PCARE: variants seen among roughly 807,000 people sequenced by gnomAD.
PCARE encodes the protein photoreceptor cilium actin regulator.
PCARE carries 72 observed loss-of-function variants against 82.2 expected under a neutral mutation model. That is an observed-to-expected ratio of 0.88 (90% CI 0.72 to 1.07). The LOEUF (loss-of-function observed/expected upper bound fraction) is 1.07, where lower values mean the gene tolerates loss of function less well. PCARE is among the 50% of genes least tolerant of loss of function. The probability of loss-of-function intolerance (pLI) is 0.00; values close to 1 mark genes in which losing one functional copy is unlikely to be tolerated. For synonymous variants in PCARE, 705 were observed against 634.8 expected (o/e 1.11, Z -1.66); for missense variants, 1,768 against 1,592.4 (o/e 1.11, Z -1.88).
chr2:29,065,261 G>T (rs1667375213), intron 1 of PCARE, among the ~76,000 whole-genome samples, 194 bp from the exon 2 acceptor site: 1 of 152,230 alleles, frequency 6.6e-6, no homozygotes, highest in African/African-American at 2.4e-5. Context: ...GTGCCTGCAG[G>T]GGTGGGCGCT....
Position 29,072,283 on chromosome 2 carries a change from C to T in PCARE, c.1979G>A (p.Ser660Asn), listed in dbSNP as rs1450487629. ...TGCCTTGAGCCTGCTGGTGGTGTTG[C>T]TTGGACTGACCCTGCAGGTGCCATT... is the stretch of plus-strand genomic sequence containing the variant. Reference protein sequence around the residue: ...WPNGTCRVSPSNTTSRLKASL... With the variant: ...WPNGTCRVSPNNTTSRLKASL... Residue 660 changes from serine (S) to asparagine (N), a missense_variant, in exon 1 of 2, where the codon AGC becomes AAC. Coordinates refer to ENST00000331664, the MANE Select transcript of PCARE (RefSeq NM_001029883.3). The T allele has an allele frequency of 1.9e-6, 3 of 1,614,202 alleles. No individual in the cohort carries two copies. The highest frequency in any genetic ancestry group is 1.7e-5 in the Admixed American group (1 of 60,030).
chr2:29,073,742 C>A lies in PCARE; in HGVS notation c.520G>T (p.Val174Leu), dbSNP rs1442866036. 6.2e-7 allele frequency: 1 copy of A among 1,614,210 alleles called. No individual in the cohort carries two copies. The highest frequency in any genetic ancestry group is 8.5e-7 in the Non-Finnish European group (1 of 1,180,036). The change falls in exon 1 of 2, where the codon GTG becomes TTG. Residue 174 changes from valine (V) to leucine (L), a missense_variant. Physicochemically the swap from Val to Leu is conservative, Grantham distance 32 (BLOSUM62 1). Transcript: ENST00000331664. ...IHPAHEPEGK[V>L]DFPEPLVKAH... ...TTTACCAGAGGCTCCGGGAAGTCCACTTTGCCTTCAGGCTCATGAGCAGGG... is the reference window on the plus strand; with the variant it reads ...TTTACCAGAGGCTCCGGGAAGTCCAATTTGCCTTCAGGCTCATGAGCAGGG...
Position 29,073,071 on chromosome 2 carries a change from C to G in PCARE, c.1191G>C (p.Trp397Cys), listed in dbSNP as rs777103184. 1 of 1,613,852 alleles carries G rather than the reference C, an allele frequency of 6.2e-7. No homozygotes were observed. ...AGCCCAAACAGAATGGACTTTGCTGCCAGGTGTGTCCTGACTGCCTGGCCT... is the reference window on the plus strand; with the variant it reads ...AGCCCAAACAGAATGGACTTTGCTGGCAGGTGTGTCCTGACTGCCTGGCCT... ...HTEARQSGHT[W>C]QQSPFCLGSG... Residue 397 changes from tryptophan to cysteine, a missense_variant, in exon 1 of 2, where the codon TGG becomes TGC. Physicochemically the swap from Trp to Cys is radical, Grantham distance 215 (BLOSUM62 -2). Coordinates refer to ENST00000331664, the MANE Select transcript of PCARE (RefSeq NM_001029883.3).
rs1258208731 is a variant in PCARE, at chr2:29,063,798, A to G, written c.*1071T>C. The G allele has an allele frequency of 2.6e-5, 4 of 152,472 alleles. No homozygotes were observed. The highest frequency in any genetic ancestry group is 2.6e-4 in the Admixed American group (4 of 15,286). 9.4% of individuals were successfully genotyped at this position (152,472 alleles called of 1,614,324 possible). On this transcript the variant is annotated 3_prime_UTR_variant, in exon 2 of 2. Transcript: ENST00000331664. ...CAGAAGCAGGTTTTTGGCATGAACA[A>G]CTGTTTTTCACTTTGATTTCGACTC...
Position 29,072,500 on chromosome 2 carries a change from G to T in PCARE, c.1762C>A (p.Pro588Thr). 6.2e-7 allele frequency: 1 copy of T among 1,614,202 alleles called. No individual in the cohort carries two copies. The highest frequency in any genetic ancestry group is 8.5e-7 in the Non-Finnish European group (1 of 1,180,036). The change falls in exon 1 of 2, where the codon CCT becomes ACT. Residue 588 changes from proline to threonine, a missense_variant. Physicochemically the swap from Pro to Thr is conservative, Grantham distance 38. Transcript: ENST00000331664. ...GACTGGGACCTCGTCTGCCTCTCAG[G>T]GGCCCTCCTGCTGCCACTTACCGTG... ...PSTVSGSRRA[P>T]ERQTRSQSES...
In PCARE at chr2:29,073,269, C is replaced by T. The variant is rs1667526217; in HGVS notation, c.993G>A (p.Leu331=). 9 of 1,614,120 alleles carry T rather than the reference C, an allele frequency of 5.6e-6. No individual in the cohort carries two copies. In the South Asian group the frequency reaches 9.9e-5, roughly 18 times the overall value. ...CCCCAGGGTCGCCACAGCCACTCGC[C>T]AGGCTCTCTAGCTGCCTCAGAGCCC... ...LLRALRQLES[L]ASGCGDPGVQ... Residue 331 remains leucine (L), a synonymous_variant, in exon 1 of 2, where the codon CTG becomes CTA. Transcript: ENST00000331664.
chr2:29,069,496 G>A (rs962524990), intron 1 of PCARE, among the ~76,000 whole-genome samples: 14 of 152,166 alleles, frequency 9.2e-5, no homozygotes, highest in Non-Finnish European at 2.1e-4. Context: ...AGAACTCATG[G>A]GCACAAAGAG....
At chr2:29,069,836 C>T (rs962863679) in intron 1 of PCARE, among the ~76,000 whole-genome samples, 1 of 152,102 alleles carries the variant, frequency 6.6e-6, no homozygotes, top group African/African-American at 2.4e-5. Context: ...ATATAGCCTC[C>T]ACACGCAAAG....
chr2:29,067,824 C>T (rs1241419905), intron 1 of PCARE, among the ~76,000 whole-genome samples: 1 of 152,162 alleles, frequency 6.6e-6, no homozygotes, highest in Non-Finnish European at 1.5e-5. Context: ...GGATTACTGG[C>T]GTGAGCCACT....
rs763749755 is a variant in PCARE at position 29,070,774 on chromosome 2, C to T, written c.3488G>A (p.Trp1163Ter). The T allele has an allele frequency of 6.2e-7, 1 of 1,614,128 alleles. No individual in the cohort carries two copies. The highest frequency in any genetic ancestry group is 8.5e-7 in the Non-Finnish European group (1 of 1,180,036). The change falls in exon 1 of 2, where the codon TGG (tryptophan) becomes TAG (stop). Residue 1163 changes from tryptophan (W) to a stop codon, truncating the protein, a stop_gained. Coordinates refer to ENST00000331664, the MANE Select transcript of PCARE (RefSeq NM_001029883.3). LOFTEE classifies it high-confidence loss of function. The part of the protein sequence containing the change: ...GGPLGNPAEC[W>*]KNSSGPWLRA... ...CAGCCAAGGCCCTGAGCTGTTCTTCCAGCATTCTGCTGGGTTCCCGAGAGG... is the reference window on the plus strand; with the variant it reads ...CAGCCAAGGCCCTGAGCTGTTCTTCTAGCATTCTGCTGGGTTCCCGAGAGG...
At position 29,073,517 on chromosome 2, in the gene PCARE, C is replaced by T; in HGVS notation, c.745G>A (p.Glu249Lys). 6.2e-7 allele frequency: 1 copy of T among 1,614,184 alleles called. No homozygotes were observed. The highest frequency in any genetic ancestry group is 8.5e-7 in the Non-Finnish European group (1 of 1,180,028). The change falls in exon 1 of 2, where the codon GAG becomes AAG. Residue 249 changes from glutamate to lysine, a missense_variant. Coordinates refer to ENST00000331664, the MANE Select transcript of PCARE (RefSeq NM_001029883.3). ...TTCTTCAAAGGCCAAGCCAGATCCT[C>T]CCTGACTTCCTGCAGGAGCACTTCT... ...DGEVLLQEVREDLAWPLKKRE... is the reference protein window; with the variant it reads ...DGEVLLQEVRKDLAWPLKKRE...
At position 29,072,959 on chromosome 2, in the gene PCARE, G is replaced by A. The variant is rs867898903; in HGVS notation, c.1303C>T (p.Leu435Phe). Reference protein sequence around the residue: ...RAQDEARSPCLSSTSPENITS... With the variant: ...RAQDEARSPCFSSTSPENITS... The stretch of plus-strand genomic sequence containing the variant: ...ATATTTTCTGGGCTTGTACTGGAGA[G>A]GCATGGGCTCCTTGCTTCGTCCTGT... Residue 435 changes from leucine (L) to phenylalanine (F), a missense_variant, in exon 1 of 2, where the codon CTC becomes TTC. Coordinates refer to ENST00000331664, the MANE Select transcript of PCARE (RefSeq NM_001029883.3). 5 of 1,614,046 alleles carry A rather than the reference G, an allele frequency of 3.1e-6. No individual in the cohort carries two copies. The highest frequency in any genetic ancestry group is 1.3e-5 in the African/African-American group (1 of 74,908).
Position 29,073,425 on chromosome 2 carries a change from C to G in PCARE, c.837G>C (p.Gln279His), listed in dbSNP as rs757686844. The change falls in exon 1 of 2, where the codon CAG becomes CAC. Residue 279 changes from glutamine to histidine, a missense_variant. Physicochemically the swap from Gln to His is conservative, Grantham distance 24. Transcript: ENST00000331664. ...GCGAGGCCACTGTGCCATTGAGCACCTGCAGCTTGCTGACTGTGTACTGTA... is the reference window on the plus strand; with the variant it reads ...GCGAGGCCACTGTGCCATTGAGCACGTGCAGCTTGCTGACTGTGTACTGTA... ...QLLQYTVSKL[Q>H]VLNGTVASLT... The G allele has an allele frequency of 3.7e-6, 6 of 1,614,114 alleles. No individual in the cohort carries two copies. Among genetic ancestry groups the G allele is most frequent in the Non-Finnish European group, 5.1e-6 (6 of 1,180,034 alleles).
rs749792554 is a variant in PCARE at position 29,074,212 on chromosome 2, C to T, written c.50G>A (p.Ser17Asn). The T allele has an allele frequency of 6.3e-7, 1 of 1,591,236 alleles. No individual in the cohort carries two copies. Among genetic ancestry groups the T allele is most frequent in the Non-Finnish European group, 8.6e-7 (1 of 1,168,412 alleles). Residue 17 changes from serine (S) to asparagine (N), a missense_variant, in exon 1 of 2, where the codon AGT becomes AAT. Physicochemically the swap from Ser to Asn is conservative, Grantham distance 46. Coordinates refer to ENST00000331664, the MANE Select transcript of PCARE (RefSeq NM_001029883.3). ...GGGCTTTTTCAAGAACTGAATGCCA[C>T]TCTTTGCAACGCTGTTTACAAGGTC... ...HSDLVNSVAK[S>N]GIQFLKKPKA...
At chr2:29,066,807 G>A (rs955087027) in intron 1 of PCARE, among the ~76,000 whole-genome samples, 1 of 152,256 alleles carries the variant, frequency 6.6e-6, no homozygotes, top group Non-Finnish European at 1.5e-5. Context: ...GGGCGGCAGA[G>A]CGTGCATGCC....
chr2:29,067,188 C>T (rs114556534), intron 1 of PCARE, among the ~76,000 whole-genome samples: 6 of 152,134 alleles, frequency 3.9e-5, no homozygotes, highest in Non-Finnish European at 7.3e-5. Context: ...GGAAACAGCC[C>T]GTTCTGAGCA....
In PCARE at chr2:29,063,444, G is replaced by A. The variant is rs114274497; in HGVS notation, c.*1425C>T. The A allele has an allele frequency of 6.5e-3, 988 of 152,728 alleles. 6 individuals carry two copies. Among genetic ancestry groups the A allele is most frequent in the Non-Finnish European group, 0.011 (739 of 68,038 alleles). The allele number at this position is 152,728 out of a possible 1,614,324, so 9.5% of individuals were successfully genotyped here. On this transcript the variant is annotated 3_prime_UTR_variant, in exon 2 of 2. Transcript: ENST00000331664. ...GAATAATAATTGGACAAGTCAAGGT[G>A]GGATTCATTTACTCAGAGTCATAGC...
chr2:29,071,971 A>G lies in PCARE; in HGVS notation c.2291T>C (p.Met764Thr), dbSNP rs150881512. 5.6e-6 allele frequency: 9 copies of G among 1,613,988 alleles called. No homozygotes were observed. The highest frequency in any genetic ancestry group is 5.9e-6 in the Non-Finnish European group (7 of 1,179,866). ...TGTGTACTTGGGAAATCTGGGGGGC[A>G]TGATGCAATTCCTGAGGCAGGGACT... is the stretch of plus-strand genomic sequence containing the variant. ...GASPCLRNCI[M>T]PPRFPKYTGL... Residue 764 changes from methionine (M) to threonine (T), a missense_variant, in exon 1 of 2, where the codon ATG becomes ACG. Met to Thr is a moderately conservative substitution (Grantham distance 81). Coordinates refer to ENST00000331664, the MANE Select transcript of PCARE (RefSeq NM_001029883.3).
At position 29,072,491 on chromosome 2, in the gene PCARE, G is replaced by A; in HGVS notation, c.1771C>T (p.Gln591Ter). 1 of 1,614,228 alleles carries A rather than the reference G, an allele frequency of 6.2e-7. No individual in the cohort carries two copies. Among genetic ancestry groups the A allele is most frequent in the Non-Finnish European group, 8.5e-7 (1 of 1,180,048 alleles). The change falls in exon 1 of 2, where the codon CAG becomes TAG. Residue 591 changes from glutamine (Q) to a stop codon, truncating the protein, a stop_gained. Coordinates refer to ENST00000331664, the MANE Select transcript of PCARE (RefSeq NM_001029883.3). LOFTEE classifies it high-confidence loss of function. ...VSGSRRAPER[Q>*]TRSQSESCLQ... ...CACGACTCTGACTGGGACCTCGTCT[G>A]CCTCTCAGGGGCCCTCCTGCTGCCA...
Sources: allele counts gnomAD v4.1 joint callset (sites outside exome capture counted in the v4.1 genomes callset), GRCh38; gene constraint gnomAD v4.1.1; transcripts MANE v1.5; gene names NCBI Gene and HGNC (gene_info 2026-07-23, HGNC 2026-07-21).